CCSER1: variants seen among roughly 807,000 people sequenced by gnomAD.
CCSER1 encodes coiled-coil serine rich protein 1, also known as serine-rich coiled-coil domain-containing protein 1.
CCSER1 carries 41 observed loss-of-function variants against 82.0 expected under a neutral mutation model. The ratio of observed to expected loss-of-function variants is 0.50; its 90% CI spans 0.39 to 0.65. The LOEUF is 0.65. Ranked by LOEUF, CCSER1 falls within the 30% of genes least tolerant of loss-of-function variation. The pLI is 0.00. For missense variants in CCSER1, 1,119 were observed against 1,064.2 expected (o/e 1.05, Z -0.72); for synonymous variants, 414 against 383.9 (o/e 1.08, Z -0.92).
chr4:91,443,101 G>C (rs1755301929), intron 10 of CCSER1, among the ~76,000 whole-genome samples: 1 of 151,996 alleles, frequency 6.6e-6, no homozygotes, highest in Non-Finnish European at 1.5e-5. Flanking sequence ...AATACCATTT[G>C]ACCCAGCCAT....
intron 10 of CCSER1, among the ~76,000 whole-genome samples, chr4:91,440,235 C>A (rs571735199): frequency 6.6e-6 from 1 of 151,956 alleles, no homozygotes; most frequent in African/African-American, 2.4e-5. Context: ...CCTCAGCAAA[C>A]ATAAAAGAAC....
At chr4:91,064,336 C>T (rs545810366) in intron 9 of CCSER1, among the ~76,000 whole-genome samples, 4 of 152,286 alleles carry the variant, frequency 2.6e-5, no homozygotes, top group Admixed American at 2.6e-4. Context: ...AGGCATTGTA[C>T]TGTCAGCCAT....
At chr4:90,409,226 A>G (rs1343707897) in intron 4 of CCSER1, among the ~76,000 whole-genome samples, 1 of 152,242 alleles carries the variant, frequency 6.6e-6, no homozygotes, top group East Asian at 1.9e-4. Context: ...ATCCAGGACA[A>G]CTTCCCCAAT....
chr4:90,360,038 C>A (rs111227179), intron 3 of CCSER1, among the ~76,000 whole-genome samples: 9,720 of 148,660 alleles, frequency 0.065, 877 homozygotes, highest in African/African-American at 0.21. Context: ...CTGCCTCAGC[C>A]TCTCGAGCAG....
chr4:90,935,487 T>C (rs534648396), intron 9 of CCSER1, among the ~76,000 whole-genome samples: 14 of 152,130 alleles, frequency 9.2e-5, no homozygotes, highest in Admixed American at 2.0e-4. Context: ...TAAAAATAAA[T>C]AAACTACCCA....
chr4:91,377,897 T>C (rs1044851938), intron 10 of CCSER1, among the ~76,000 whole-genome samples: 2 of 152,230 alleles, frequency 1.3e-5, no homozygotes, highest in African/African-American at 4.8e-5. Context: ...AACATTTAAG[T>C]CTTTAATCCA....
At chr4:90,540,994 T>G (rs1373915344) in intron 5 of CCSER1, among the ~76,000 whole-genome samples, 1 of 152,074 alleles carries the variant, frequency 6.6e-6, no homozygotes, top group Non-Finnish European at 1.5e-5. Flanking sequence ...ACATTTAAAA[T>G]TTTCACTAAG....
At chr4:91,439,579 A>C (rs970022676) in intron 10 of CCSER1, among the ~76,000 whole-genome samples, 6 of 152,002 alleles carry the variant, frequency 3.9e-5, no homozygotes, top group African/African-American at 1.2e-4. Flanking sequence ...TCAACTAACA[A>C]GCAAAATAAC....
intron 10 of CCSER1, among the ~76,000 whole-genome samples, chr4:91,147,646 G>T (rs1030014386): frequency 6.6e-6 from 1 of 152,168 alleles, no homozygotes; most frequent in African/African-American, 2.4e-5. Flanking sequence ...TGGCCCCTTA[G>T]GGTGGAGCAC....
intron 1 of CCSER1, among the ~76,000 whole-genome samples, chr4:90,153,910 T>G (rs1354690053): frequency 6.6e-6 from 1 of 152,214 alleles, no homozygotes; most frequent in Non-Finnish European, 1.5e-5. Context: ...TTTTGGCTTT[T>G]GTTGCCATTG....
intron 10 of CCSER1, among the ~76,000 whole-genome samples, chr4:91,181,600 T>C (rs1177904266): frequency 1.3e-5 from 2 of 152,184 alleles, no homozygotes; most frequent in Non-Finnish European, 2.9e-5. Flanking sequence ...TGACCATTTT[T>C]CTCAGATCAT....
At chr4:91,247,250 C>T (rs998094815) in intron 10 of CCSER1, among the ~76,000 whole-genome samples, 8 of 149,462 alleles carry the variant, frequency 5.4e-5, no homozygotes, top group South Asian at 2.1e-4. Flanking sequence ...TGCAGTGAGC[C>T]GAGATTGTGC....
chr4:91,433,766 G>A lies in CCSER1; in HGVS notation c.2218-164806G>A, dbSNP rs115972194. The stretch of plus-strand genomic sequence containing the variant: ...CACAACAATGAAATCACCTAACCAC[G>A]TGTCTGTGTTGTTAGATGATGCATG... On this transcript the variant is annotated intron_variant, in intron 10 of 10. Transcript: ENST00000509176. Among the ~76,000 whole-genome samples the A allele has an allele frequency of 7.4e-3, 1,124 of 152,258 alleles. 13 individuals are homozygous for A. Among genetic ancestry groups the A allele is most frequent in the African/African-American group, 0.026 (1,074 of 41,554 alleles).
chr4:91,329,193 T>C (rs1746776483), intron 10 of CCSER1, among the ~76,000 whole-genome samples: 1 of 148,770 alleles, frequency 6.7e-6, no homozygotes. Flanking sequence ...AAAATATCTG[T>C]GAAAAATAAT....
At chr4:90,240,751 A>G (rs557797330) in intron 1 of CCSER1, among the ~76,000 whole-genome samples, 1 of 152,182 alleles carries the variant, frequency 6.6e-6, no homozygotes, top group Non-Finnish European at 1.5e-5. Flanking sequence ...TAAGAATGTC[A>G]TGTTGCTTTC....
At chr4:91,509,031 T>C (rs1759682967) in intron 10 of CCSER1, among the ~76,000 whole-genome samples, 1 of 152,020 alleles carries the variant, frequency 6.6e-6, no homozygotes, top group East Asian at 1.9e-4. Flanking sequence ...TATTAATCTT[T>C]TCAAAAAACA....
intron 10 of CCSER1, among the ~76,000 whole-genome samples, chr4:91,368,853 A>G (rs1237130251): frequency 2.0e-5 from 3 of 152,210 alleles, no homozygotes; most frequent in Admixed American, 6.5e-5. Context: ...TTTATTCTAT[A>G]TAAGTTGCCA....
At chr4:91,019,118 A>AT in intron 9 of CCSER1, among the ~76,000 whole-genome samples, 1 of 151,560 alleles carries the variant, frequency 6.6e-6, no homozygotes. Flanking sequence ...AGATATTTTT[A>AT]TTTTTACTAT....
intron 10 of CCSER1, among the ~76,000 whole-genome samples, chr4:91,524,254 A>T (rs1365324293): frequency 6.6e-6 from 1 of 152,226 alleles, no homozygotes; most frequent in Non-Finnish European, 1.5e-5. Context: ...CATTGTTAAC[A>T]ACAGAGGTTA....
Sources: gnomAD v4.1 joint callset for allele counts (sites outside exome capture counted in the v4.1 genomes callset) on GRCh38, gnomAD v4.1.1 for gene constraint, MANE v1.5 for transcripts, NCBI Gene and HGNC (gene_info 2026-07-23, HGNC 2026-07-21) for gene names.